The following AGAP1 variants were observed in gnomAD, a reference collection of about 807,000 sequenced individuals.
The protein encoded by AGAP1 is ArfGAP with GTPase domain, ankyrin repeat and PH domain 1.
Under a neutral mutation model 105.3 loss-of-function variants are expected in AGAP1, and 29 were observed. The ratio of observed to expected loss-of-function variants is 0.28; its 90% CI spans 0.21 to 0.38. AGAP1 has a LOEUF of 0.38. AGAP1 is among the 10% of genes least tolerant of loss of function. The probability of loss-of-function intolerance (pLI) is 1.00; values close to 1 mark genes in which losing one functional copy is unlikely to be tolerated. For missense variants in AGAP1, 998 were observed against 1,165.1 expected (o/e 0.86, Z 2.09); for synonymous variants, 509 against 485.9 (o/e 1.05, Z -0.63).
intron 13 of AGAP1, among the ~76,000 whole-genome samples, chr2:235,972,419 G>A (rs1299757192): frequency 1.3e-5 from 2 of 152,158 alleles, no homozygotes. Context: ...AATGGGATGG[G>A]GCTCCCCGGC....
chr2:235,978,156 A>G (rs1469888557), intron 13 of AGAP1, among the ~76,000 whole-genome samples: 1 of 152,142 alleles, frequency 6.6e-6, no homozygotes, highest in Non-Finnish European at 1.5e-5. Context: ...CAGTCTCCAA[A>G]TACCAGCACA....
chr2:235,839,909 T>C (rs778208367), intron 9 of AGAP1, among the ~76,000 whole-genome samples: 1 of 152,192 alleles, frequency 6.6e-6, no homozygotes, highest in Non-Finnish European at 1.5e-5. Flanking sequence ...GAGACTCTTA[T>C]AAAGAATTAC....
At chr2:235,500,145 T>TA (rs1180270212) in intron 1 of AGAP1, among the ~76,000 whole-genome samples, 1 of 152,130 alleles carries the variant, frequency 6.6e-6, no homozygotes, top group African/African-American at 2.4e-5. Context: ...TTGGCAGCTT[T>TA]TTCAGATCAG....
chr2:235,707,184 A>C (rs967942877), intron 1 of AGAP1, among the ~76,000 whole-genome samples: 2 of 152,178 alleles, frequency 1.3e-5, no homozygotes, highest in African/African-American at 4.8e-5. Context: ...GTGCAGGGAG[A>C]AGTCCGCCTC....
At chr2:235,783,302 A>G (rs1348039894) in intron 6 of AGAP1, 1 of 469,016 alleles carries the variant, frequency 2.1e-6, no homozygotes, top group East Asian at 7.0e-5. Flanking sequence ...CCTATAGCTA[A>G]CATTTACATA....
intron 13 of AGAP1, among the ~76,000 whole-genome samples, chr2:236,026,432 G>GA (rs1388449335): frequency 6.6e-6 from 1 of 152,176 alleles, no homozygotes; most frequent in Non-Finnish European, 1.5e-5. Context: ...ACATCAGTTA[G>GA]AAAGAAGTAT....
chr2:235,645,238 GACAA>G (rs1015762518), intron 1 of AGAP1, among the ~76,000 whole-genome samples: 3 of 152,112 alleles, frequency 2.0e-5, no homozygotes, highest in Non-Finnish European at 2.9e-5. Flanking sequence ...TCTGCCATAT[GACAA>G]ACAAAGTAGA....
intron 11 of AGAP1, among the ~76,000 whole-genome samples, chr2:235,915,066 C>G (rs919278355): frequency 8.5e-5 from 13 of 152,264 alleles, no homozygotes; most frequent in African/African-American, 3.1e-4. Flanking sequence ...TCACAGCCCC[C>G]CACACGGTAG....
rs1033649382 is a variant in AGAP1 at position 235,747,624 on chromosome 2, A to G, written c.539-2730A>G. 1.3e-5 allele frequency among the ~76,000 whole-genome samples: 2 copies of G among 152,156 alleles called. No homozygotes were observed. Among genetic ancestry groups the G allele is most frequent in the Non-Finnish European group, 2.9e-5 (2 of 68,040 alleles). On this transcript the variant is annotated intron_variant, in intron 5 of 17. Coordinates refer to ENST00000304032, the MANE Select transcript of AGAP1 (RefSeq NM_001037131.3). The surrounding 1 kb of genome is among the most constrained non-coding windows in gnomAD (Gnocchi z 5.0). ...CTTGGTCCTTCCCTAGACTTCAGGG[A>G]GCACCCCAGAAAGCCTGATGGCAGG...
At chr2:235,917,089 T>C (rs180778352) in intron 11 of AGAP1, among the ~76,000 whole-genome samples, 2 of 152,304 alleles carry the variant, frequency 1.3e-5, no homozygotes, top group Admixed American at 1.3e-4. Context: ...TTTTTGCAAC[T>C]ATGGATATGT....
intron 16 of AGAP1, among the ~76,000 whole-genome samples, chr2:236,075,260 T>C (rs1293613048): frequency 6.6e-6 from 1 of 152,130 alleles, no homozygotes; most frequent in East Asian, 1.9e-4. Context: ...GGGTTTTTTT[T>C]ACTAGAAATC....
At position 235,882,740 on chromosome 2, in the gene AGAP1, T is replaced by G. The variant is rs10172366; in HGVS notation, c.1051-605T>G. 0.47 allele frequency among the ~76,000 whole-genome samples: 71,640 copies of G among 151,990 alleles called. 17,724 individuals carry two copies. The highest frequency in any genetic ancestry group is 0.73 in the South Asian group (3,523 of 4,804). ...TCTGCCCACCTCGGCCTCCCAAAGT[T>G]CTGGGATTACAGGCGTGAGCCACCG... On this transcript the variant is annotated intron_variant, in intron 9 of 17. Transcript: ENST00000304032. This position sits in a 1 kb window ranked among gnomAD's most constrained non-coding sequence, Gnocchi z 4.6.
chr2:235,895,415 A>G (rs572260764), intron 10 of AGAP1, among the ~76,000 whole-genome samples: 1 of 152,162 alleles, frequency 6.6e-6, no homozygotes, highest in East Asian at 1.9e-4. Flanking sequence ...CATACTTGCC[A>G]TGTTATCTGG....
rs1210027028 is a variant in AGAP1 at position 235,582,151 on chromosome 2, A to G, written c.163+87302A>G. 1.3e-5 allele frequency among the ~76,000 whole-genome samples: 2 copies of G among 152,138 alleles called. No individual in the cohort carries two copies. Among genetic ancestry groups the G allele is most frequent in the Non-Finnish European group, 2.9e-5 (2 of 68,020 alleles). ...CTATACGAGGAGCAGAGACCCCTGGATCCTAGTGGTGGCCCCTGGTCACCA... is the reference window on the plus strand; with the variant it reads ...CTATACGAGGAGCAGAGACCCCTGGGTCCTAGTGGTGGCCCCTGGTCACCA... On this transcript the variant is annotated intron_variant, in intron 1 of 17. Transcript: ENST00000304032. The surrounding 1 kb of genome is among the most constrained non-coding windows in gnomAD (Gnocchi z 4.7).
chr2:235,534,244 C>T lies in AGAP1; in HGVS notation c.163+39395C>T, dbSNP rs75910647. On this transcript the variant is annotated intron_variant, in intron 1 of 17. Transcript: ENST00000304032. ...TTTGCCAAATGGGACCGATAGCGTG[C>T]GCATGGTGGGGATGAGGGGAGGACT... Among the ~76,000 whole-genome samples, 413 of 152,264 alleles carry T rather than the reference C, an allele frequency of 2.7e-3. 3 individuals carry two copies. The highest frequency in any genetic ancestry group is 9.7e-3 in the African/African-American group (404 of 41,542).
At chr2:236,070,636 G>A (rs1176405732) in intron 16 of AGAP1, among the ~76,000 whole-genome samples, 3 of 152,200 alleles carry the variant, frequency 2.0e-5, no homozygotes, top group African/African-American at 7.2e-5. Flanking sequence ...AAGCATTGAT[G>A]TATACTACAA....
At chr2:235,656,414 T>C (rs1947772254) in intron 1 of AGAP1, among the ~76,000 whole-genome samples, 1 of 152,206 alleles carries the variant, frequency 6.6e-6, no homozygotes, top group Admixed American at 6.5e-5. Flanking sequence ...CTTCTACTTC[T>C]AAACTTAACT....
At position 235,877,147 on chromosome 2, in the gene AGAP1, A is replaced by G. The variant is rs771768138; in HGVS notation, c.1051-6198A>G. Among the ~76,000 whole-genome samples the G allele has an allele frequency of 7.9e-5, 12 of 152,108 alleles. No homozygotes were observed. The highest frequency in any genetic ancestry group is 1.6e-4 in the Non-Finnish European group (11 of 68,026). ...GGCATGAGCCACCACGCCCTGCCAG[A>G]GCCATTTAAAAGAACAAAAATCTCA... On this transcript the variant is annotated intron_variant, in intron 9 of 17. Transcript: ENST00000304032. This position sits in a 1 kb window ranked among gnomAD's most constrained non-coding sequence, Gnocchi z 4.3.
rs934129189 is a variant in AGAP1 at position 236,104,365 on chromosome 2, G to A, written c.2115-15827G>A. The stretch of plus-strand genomic sequence containing the variant: ...GCACGGGGCTGAGAAGTCCCCCAGC[G>A]GTGCTCCTAGACAGGTGGAGACCTC... On this transcript the variant is annotated intron_variant, in intron 16 of 17. Transcript: ENST00000304032. The surrounding 1 kb of genome is among the most constrained non-coding windows in gnomAD (Gnocchi z 4.7). 2.6e-5 allele frequency among the ~76,000 whole-genome samples: 4 copies of A among 152,224 alleles called. No homozygotes were observed. Among genetic ancestry groups the A allele is most frequent in the African/African-American group, 7.2e-5 (3 of 41,476 alleles).
Sources: allele counts gnomAD v4.1 joint callset (sites outside exome capture counted in the v4.1 genomes callset), GRCh38; gene constraint gnomAD v4.1.1; non-coding constraint Gnocchi (gnomAD v3.1); transcripts MANE v1.5; gene names NCBI Gene and HGNC (gene_info 2026-07-23, HGNC 2026-07-21).